Variants in VAC14 observed in about 807,000 individuals in gnomAD.
The protein encoded by VAC14 is VAC14 component of PIKFYVE complex, also known as protein VAC14 homolog.
In VAC14, 47 loss-of-function variants were observed where a neutral mutation model predicts 85.3. That is an observed-to-expected ratio of 0.55 (90% confidence interval 0.44 to 0.70). VAC14 has a LOEUF of 0.70. Among genes scored for constraint, VAC14 ranks in the 30% least tolerant of loss-of-function variants. VAC14 has a pLI of 0.00. For missense variants in VAC14, 861 were observed against 1,004.3 expected, an observed-to-expected ratio of 0.86 and a Z score of 1.93; for synonymous variants, 447 against 430.5, an observed-to-expected ratio of 1.04 and a Z score of -0.47.
chr16:70,735,553 T>A (rs924755470), intron 13 of VAC14, among the ~76,000 whole-genome samples: 1 of 152,224 alleles, frequency 6.6e-6, no homozygotes, highest in African/African-American at 2.4e-5. Flanking sequence ...TGTCCTCTCA[T>A]GGTCCTGCCG....
intron 9 of VAC14, among the ~76,000 whole-genome samples, chr16:70,777,746 C>A (rs559581185): frequency 1.3e-5 from 2 of 152,138 alleles, no homozygotes; most frequent in Non-Finnish European, 2.9e-5. Flanking sequence ...GGTTCTTGCC[C>A]GGAGGTGTGC....
At chr16:70,688,593 G>A in intron 18 of VAC14, 1 of 985,660 alleles carries the variant, frequency 1.0e-6, no homozygotes, top group Non-Finnish European at 1.2e-6. Context: ...GAGTGTTGGG[G>A]CCCCAAGGCC....
chr16:70,692,125 AGATGCAG>A, intron 18 of VAC14: 11 of 977,770 alleles, frequency 1.1e-5, no homozygotes, highest in African/African-American at 1.8e-5. Context: ...TACCAAATAT[AGATGCAG>A]CCCTACAGGC....
At chr16:70,776,774 T>A (rs918553133) in intron 9 of VAC14, among the ~76,000 whole-genome samples, 2 of 149,286 alleles carry the variant, frequency 1.3e-5, no homozygotes, top group East Asian at 1.9e-4. Flanking sequence ...TTTTTTTTTT[T>A]AATAATTTTT....
intron 13 of VAC14, among the ~76,000 whole-genome samples, chr16:70,742,461 G>A (rs954759427): frequency 2.6e-5 from 4 of 152,242 alleles, no homozygotes; most frequent in African/African-American, 9.6e-5. Context: ...TGGCCCCCAT[G>A]TACTGACTTG....
At chr16:70,691,727 C>T (rs533904799) in intron 18 of VAC14, 69 of 985,346 alleles carry the variant, frequency 7.0e-5, no homozygotes, top group Non-Finnish European at 7.7e-5. Context: ...AGGGGTTCAG[C>T]CTCTCCAGCT....
At chr16:70,711,026 C>A (rs2054021981) in intron 14 of VAC14, among the ~76,000 whole-genome samples, 1 of 152,198 alleles carries the variant, frequency 6.6e-6, no homozygotes. Context: ...GGCTTCAGCT[C>A]CACGTCCCTC....
chr16:70,782,092 C>T (rs766468073), intron 7 of VAC14, 89 bp from the exon 8 acceptor site: 19 of 1,519,724 alleles, frequency 1.3e-5, no homozygotes, highest in South Asian at 1.0e-4. Context: ...ATGGGGCTGG[C>T]GGCCTGTGGA....
chr16:70,740,901 G>C (rs547526187), intron 13 of VAC14, among the ~76,000 whole-genome samples: 3 of 152,198 alleles, frequency 2.0e-5, no homozygotes, highest in Non-Finnish European at 4.4e-5. Context: ...ACTCTGCCTC[G>C]GGGGGCCCTG....
At chr16:70,739,558 G>A (rs960367280) in intron 13 of VAC14, among the ~76,000 whole-genome samples, 1 of 152,178 alleles carries the variant, frequency 6.6e-6, no homozygotes, top group African/African-American at 2.4e-5. Flanking sequence ...CCTGAGTGGG[G>A]TGAGGAGTGT....
At chr16:70,728,058 T>C (rs1389776371) in intron 14 of VAC14, among the ~76,000 whole-genome samples, 1 of 152,198 alleles carries the variant, frequency 6.6e-6, no homozygotes, top group Non-Finnish European at 1.5e-5. Context: ...GTTCCTTCTG[T>C]CCCAGCCCAC....
intron 14 of VAC14, among the ~76,000 whole-genome samples, chr16:70,701,322 G>A (rs2053823330): frequency 6.6e-6 from 1 of 152,100 alleles, no homozygotes; most frequent in African/African-American, 2.4e-5. Context: ...CACCTAGCAG[G>A]CATTTCAAAC....
At position 70,731,334 on chromosome 16, in the gene VAC14, G is replaced by C. The variant is rs879205790; in HGVS notation, c.1661+161C>G. ...TTCATGTCAGAAGCATCAGCAACCA[G>C]TATGAAGGGGCAACCTTCTTCATTT... is the stretch of plus-strand genomic sequence containing the variant. On this transcript the variant is annotated intron_variant, in intron 14 of 18. Coordinates refer to ENST00000261776, the MANE Select transcript of VAC14 (RefSeq NM_018052.5). The C allele has an allele frequency of 4.6e-5, 68 of 1,479,160 alleles. No homozygotes were observed. The South Asian group carries it at 9.1e-4, about 20-fold the overall frequency. The allele number at this position is 1,479,160 out of a possible 1,614,324, so 91.6% of individuals were successfully genotyped here. A position where few individuals can be genotyped will look rare whatever the true frequency, so the allele number is the denominator to read the frequency against.
chr16:70,784,888 G>C, intron 3 of VAC14, 50 bp from the exon 4 acceptor site: 3 of 1,538,690 alleles, frequency 1.9e-6, no homozygotes, highest in Non-Finnish European at 2.7e-6. Context: ...GGTCACGGTT[G>C]GATGCAAGAC....
chr16:70,691,015 C>G, intron 18 of VAC14: 1 of 985,484 alleles, frequency 1.0e-6, no homozygotes. Context: ...GAGCTCACAC[C>G]AGATCCTACT....
At position 70,730,259 on chromosome 16, in the gene VAC14, C is replaced by T. The variant is rs141528954; in HGVS notation, c.1661+1236G>A. 1.4e-4 allele frequency among the ~76,000 whole-genome samples: 21 copies of T among 152,146 alleles called. No individual in the cohort carries two copies. The East Asian group carries it at 4.1e-3, about 29-fold the overall frequency. On this transcript the variant is annotated intron_variant, in intron 14 of 18. Transcript: ENST00000261776. ...ACCTCAGCCCCTCCAACCCATTCGCCCCAGCAACAGTTGTCTTTCAAGCCA... is the reference window on the plus strand; with the variant it reads ...ACCTCAGCCCCTCCAACCCATTCGCTCCAGCAACAGTTGTCTTTCAAGCCA...
At chr16:70,707,529 T>A (rs12445557) in intron 14 of VAC14, among the ~76,000 whole-genome samples, 6,202 of 152,034 alleles carry the variant, frequency 0.041, 174 homozygotes, top group Non-Finnish European at 0.062. Flanking sequence ...GCTGGGCTCA[T>A]CTAGAGACCT....
At chr16:70,740,493 G>A (rs2030166294) in intron 13 of VAC14, among the ~76,000 whole-genome samples, 1 of 152,204 alleles carries the variant, frequency 6.6e-6, no homozygotes, top group Non-Finnish European at 1.5e-5. Flanking sequence ...CTGACAAAGG[G>A]CTCATCCCAG....
intron 1 of VAC14, among the ~76,000 whole-genome samples, chr16:70,790,994 G>A (rs1233848217): frequency 6.6e-6 from 1 of 152,212 alleles, no homozygotes; most frequent in African/African-American, 2.4e-5. Flanking sequence ...GCCACCGGCA[G>A]GAAGAATCTG....
Sources: gnomAD v4.1 joint callset for allele counts (sites outside exome capture counted in the v4.1 genomes callset) on GRCh38, gnomAD v4.1.1 for gene constraint, MANE v1.5 for transcripts, NCBI Gene and HGNC (gene_info 2026-07-23, HGNC 2026-07-21) for gene names.